Variants in PTPRD observed in about 807,000 individuals in gnomAD.
PTPRD encodes the protein receptor-type tyrosine-protein phosphatase delta.
In PTPRD, 34 loss-of-function variants were observed where a neutral mutation model predicts 214.5. That is an observed-to-expected ratio of 0.16 (90% CI 0.12 to 0.21). PTPRD has a LOEUF of 0.21. Ranked by LOEUF, PTPRD falls within the 10% of genes least tolerant of loss-of-function variation. PTPRD has a pLI of 1.00. For missense variants in PTPRD, 2,545 were observed against 2,398.7 expected, an observed-to-expected ratio of 1.06 and a Z score of -1.27; for synonymous variants, 1,128 against 845.7, an observed-to-expected ratio of 1.33 and a Z score of -5.79.
chr9:8,340,786 C>T (rs1401194643), intron 41 of PTPRD, among the ~76,000 whole-genome samples: 2 of 152,036 alleles, frequency 1.3e-5, no homozygotes, highest in Non-Finnish European at 2.9e-5. Context: ...GCTTCATTTT[C>T]TAGAAATTAT....
rs2046419008 is a variant in PTPRD at position 9,809,331 on chromosome 9, G to C, written c.-367-42480C>G. Among the ~76,000 whole-genome samples the C allele has an allele frequency of 6.4e-5, 9 of 141,456 alleles. No homozygotes were observed. The Admixed American group carries it at 6.9e-4, about 11-fold the overall frequency. The allele number at this position is 141,456 out of a possible 152,430, so 92.8% of individuals were successfully genotyped here. On this transcript the variant is annotated intron_variant, in intron 5 of 45. Transcript: ENST00000381196. Reference sequence around the variant, plus strand: ...CTCCCAAACTGGAGTGCAGTGGCCTGATCTCGGCTCACTGCAAGTTCCACC... The same window carrying C: ...CTCCCAAACTGGAGTGCAGTGGCCTCATCTCGGCTCACTGCAAGTTCCACC...
At chr9:9,928,884 T>G (rs1294069392) in intron 5 of PTPRD, among the ~76,000 whole-genome samples, 1 of 152,124 alleles carries the variant, frequency 6.6e-6, no homozygotes, top group Non-Finnish European at 1.5e-5. Flanking sequence ...GTAATATCAA[T>G]TAGTTTTCAC....
intron 14 of PTPRD, among the ~76,000 whole-genome samples, chr9:8,618,013 A>G (rs891149081): frequency 2.6e-5 from 4 of 152,116 alleles, no homozygotes; most frequent in Non-Finnish European, 5.9e-5. Context: ...ATTTCTTTTT[A>G]CACCCAATTA....
chr9:8,622,692 C>G (rs189789446), intron 14 of PTPRD, among the ~76,000 whole-genome samples: 1 of 152,004 alleles, frequency 6.6e-6, no homozygotes, highest in East Asian at 1.9e-4. Flanking sequence ...TGAATTAATA[C>G]AAATTGCTTC....
At chr9:9,301,405 C>G (rs138673314) in intron 9 of PTPRD, among the ~76,000 whole-genome samples, 3 of 151,780 alleles carry the variant, frequency 2.0e-5, no homozygotes, top group Non-Finnish European at 4.4e-5. Context: ...ATTCTAACAA[C>G]GACCATCATA....
At chr9:8,527,671 T>TTA (rs2074560528) in intron 15 of PTPRD, among the ~76,000 whole-genome samples, 1 of 152,110 alleles carries the variant, frequency 6.6e-6, no homozygotes, top group African/African-American at 2.4e-5. Context: ...CAGCTTATTA[T>TTA]TATATATCCC....
intron 9 of PTPRD, among the ~76,000 whole-genome samples, chr9:9,185,535 C>T (rs2099930845): frequency 6.6e-6 from 1 of 152,070 alleles, no homozygotes; most frequent in South Asian, 2.1e-4. Flanking sequence ...ACCTCCTTTA[C>T]TTTCAGCCCT....
intron 5 of PTPRD, among the ~76,000 whole-genome samples, chr9:9,888,142 C>T (rs2071683241): frequency 6.6e-6 from 1 of 152,286 alleles, no homozygotes; most frequent in Non-Finnish European, 1.5e-5. Context: ...CTCACCAGTT[C>T]TTCACTTTCC....
chr9:8,762,930 T>C (rs1190177497), intron 11 of PTPRD, among the ~76,000 whole-genome samples: 4 of 152,150 alleles, frequency 2.6e-5, no homozygotes, highest in Non-Finnish European at 2.9e-5. Context: ...TCTCCCAGCA[T>C]GGGATGGAGC....
At chr9:8,909,855 GAT>G (rs1235857464) in intron 11 of PTPRD, among the ~76,000 whole-genome samples, 1 of 109,376 alleles carries the variant, frequency 9.1e-6, no homozygotes, top group African/African-American at 3.2e-5. Flanking sequence ...TGGAGAGAGA[GAT>G]ATTAAAGGCA....
chr9:9,382,771 CTT>C (rs955733328), intron 9 of PTPRD, among the ~76,000 whole-genome samples: 6 of 151,950 alleles, frequency 3.9e-5, no homozygotes, highest in Non-Finnish European at 7.4e-5. Flanking sequence ...AAAAATAAAA[CTT>C]ATCATATGAT....
chr9:9,656,212 C>A (rs923998184), intron 7 of PTPRD, among the ~76,000 whole-genome samples: 52 of 152,290 alleles, frequency 3.4e-4, no homozygotes, highest in African/African-American at 1.3e-3. Flanking sequence ...GATAGTTTGA[C>A]AGTTTCTTAT....
intron 5 of PTPRD, among the ~76,000 whole-genome samples, chr9:9,918,404 A>G (rs1213350364): frequency 6.6e-6 from 1 of 151,626 alleles, no homozygotes; most frequent in East Asian, 1.9e-4. Context: ...ATTGATAAAA[A>G]TAATTGAAGA....
At chr9:9,114,354 T>C (rs577087324) in intron 10 of PTPRD, among the ~76,000 whole-genome samples, 34 of 152,200 alleles carry the variant, frequency 2.2e-4, no homozygotes, top group African/African-American at 6.7e-4. Context: ...ATAAGAATCG[T>C]TTTTAGAGGC....
chr9:10,139,278 T>C (rs2098965185), intron 3 of PTPRD, among the ~76,000 whole-genome samples: 1 of 143,346 alleles, frequency 7.0e-6, no homozygotes. Context: ...AACCAATTTA[T>C]AATAGCAATG....
chr9:9,279,360 C>A (rs928523726), intron 9 of PTPRD, among the ~76,000 whole-genome samples: 6 of 139,466 alleles, frequency 4.3e-5, no homozygotes, highest in Admixed American at 1.5e-4. Context: ...ATATATATAT[C>A]TAAATATATC....
chr9:9,323,914 C>T (rs1217439543), intron 9 of PTPRD, among the ~76,000 whole-genome samples: 1 of 152,112 alleles, frequency 6.6e-6, no homozygotes, highest in African/African-American at 2.4e-5. Flanking sequence ...TGTTCAATGC[C>T]CAGCTATGAA....
intron 8 of PTPRD, among the ~76,000 whole-genome samples, chr9:9,535,436 T>C (rs891750214): frequency 1.3e-5 from 2 of 152,088 alleles, no homozygotes; most frequent in African/African-American, 4.8e-5. Context: ...TGAATGTTAG[T>C]TTGGTGTTTG....
At chr9:10,369,335 A>G (rs1357143941) in intron 2 of PTPRD, among the ~76,000 whole-genome samples, 1 of 152,090 alleles carries the variant, frequency 6.6e-6, no homozygotes, top group Non-Finnish European at 1.5e-5. Context: ...CAAACATGAA[A>G]TGGCAGGTGT....
Sources: allele counts gnomAD v4.1 joint callset (sites outside exome capture counted in the v4.1 genomes callset), GRCh38; gene constraint gnomAD v4.1.1; transcripts MANE v1.5; gene names NCBI Gene and HGNC (gene_info 2026-07-23, HGNC 2026-07-21).